The following CYP7B1 variants were observed in gnomAD, a reference collection of about 807,000 sequenced individuals.
The protein encoded by CYP7B1 is cytochrome P450 7B1.
In CYP7B1, 29 loss-of-function variants were observed where a neutral mutation model predicts 42.7. That is an observed-to-expected ratio of 0.68 (90% CI 0.51 to 0.93). CYP7B1 has a LOEUF of 0.93. Among genes scored for constraint, CYP7B1 ranks in the 40% least tolerant of loss-of-function variants. The pLI, the probability that CYP7B1 is intolerant of heterozygous loss-of-function variation, is 0.00. For synonymous variants in CYP7B1, 235 were observed against 218.2 expected, an observed-to-expected ratio of 1.08 and a Z score of -0.68; for missense variants, 655 against 600.5, an observed-to-expected ratio of 1.09 and a Z score of -0.95.
chr8:64,670,926 T>C (rs1270266472), intron 1 of CYP7B1, among the ~76,000 whole-genome samples: 2 of 152,138 alleles, frequency 1.3e-5, no homozygotes, highest in Non-Finnish European at 2.9e-5. Flanking sequence ...GAATGATACA[T>C]TGGTCAGTGC....
intron 1 of CYP7B1, among the ~76,000 whole-genome samples, chr8:64,788,752 T>G (rs1585915720): frequency 6.6e-6 from 1 of 152,216 alleles, no homozygotes; most frequent in African/African-American, 2.4e-5. Context: ...ATTTAGAAAT[T>G]TTGTGAGGTT....
chr8:64,712,933 C>T (rs1807103199), intron 1 of CYP7B1, among the ~76,000 whole-genome samples: 1 of 152,118 alleles, frequency 6.6e-6, no homozygotes, highest in Non-Finnish European at 1.5e-5. Context: ...ACAGATGCTA[C>T]AGCACTTTGC....
chr8:64,673,700 TGA>T (rs1251099520), intron 1 of CYP7B1, among the ~76,000 whole-genome samples: 1 of 152,104 alleles, frequency 6.6e-6, no homozygotes, highest in Non-Finnish European at 1.5e-5. Flanking sequence ...TAGCCACCAT[TGA>T]GTTCTTAACC....
chr8:64,783,039 G>A (rs547159253), intron 1 of CYP7B1, among the ~76,000 whole-genome samples: 1 of 152,256 alleles, frequency 6.6e-6, no homozygotes, highest in South Asian at 2.1e-4. Context: ...AGCCACAGAG[G>A]TGCCTGCAGA....
chr8:64,684,546 T>C (rs1196616562), intron 1 of CYP7B1, among the ~76,000 whole-genome samples: 4 of 152,252 alleles, frequency 2.6e-5, no homozygotes, highest in Non-Finnish European at 5.9e-5. Context: ...AATTTATTTA[T>C]ATAAGTCTAT....
intron 1 of CYP7B1, among the ~76,000 whole-genome samples, chr8:64,695,603 C>CTTTT (rs35575527): frequency 1.0e-5 from 1 of 100,176 alleles, no homozygotes; most frequent in Non-Finnish European, 1.9e-5. Flanking sequence ...TATCAAATTC[C>CTTTT]TTTTTTTTTT....
At chr8:64,668,153 C>T (rs935657693) in intron 1 of CYP7B1, among the ~76,000 whole-genome samples, 34 of 152,236 alleles carry the variant, frequency 2.2e-4, no homozygotes, top group African/African-American at 6.5e-4. Flanking sequence ...TGACATGCCA[C>T]GTTCTATGGG....
At chr8:64,652,778 A>AT (rs1806059863) in intron 1 of CYP7B1, among the ~76,000 whole-genome samples, 3 of 152,208 alleles carry the variant, frequency 2.0e-5, no homozygotes, top group Non-Finnish European at 4.4e-5. Flanking sequence ...CGGGAGGCAG[A>AT]GCTTGCAGTG....
At chr8:64,749,665 T>A (rs1342993952) in intron 1 of CYP7B1, among the ~76,000 whole-genome samples, 1 of 152,182 alleles carries the variant, frequency 6.6e-6, no homozygotes. Context: ...CCAAAGAATA[T>A]CACCTTGTTA....
In CYP7B1 at chr8:64,596,855, C is replaced by T; in HGVS notation, c.1308G>A (p.Lys436=). ...TTFFKRGKKL[K]CYLMPFGTGT... Reference sequence around the variant, plus strand: ...CAGTTCCAAACGGCATTAGGTAACACTTCAGCTTTTTCCCTCTTTTGAAAA... The same window carrying T: ...CAGTTCCAAACGGCATTAGGTAACATTTCAGCTTTTTCCCTCTTTTGAAAA... Residue 436 remains lysine, a synonymous_variant, in exon 6 of 6, where the codon AAG becomes AAA. Coordinates refer to ENST00000310193, the MANE Select transcript of CYP7B1 (RefSeq NM_004820.5). 1 of 1,614,042 alleles carries T rather than the reference C, an allele frequency of 6.2e-7. No individual in the cohort carries two copies. Among genetic ancestry groups the T allele is most frequent in the Non-Finnish European group, 8.5e-7 (1 of 1,179,962 alleles).
intron 1 of CYP7B1, among the ~76,000 whole-genome samples, chr8:64,787,258 C>T (rs1053671744): frequency 2.6e-5 from 4 of 152,204 alleles, no homozygotes; most frequent in Non-Finnish European, 1.5e-5. Flanking sequence ...TTTTCTATCA[C>T]ATTGTCAGGC....
At chr8:64,774,248 T>C (rs1804284440) in intron 1 of CYP7B1, among the ~76,000 whole-genome samples, 1 of 152,232 alleles carries the variant, frequency 6.6e-6, no homozygotes, top group African/African-American at 2.4e-5. Context: ...CGTACCTCTA[T>C]AGATTTAGGG....
chr8:64,676,572 C>T (rs1235910325), intron 1 of CYP7B1, among the ~76,000 whole-genome samples: 4 of 152,022 alleles, frequency 2.6e-5, no homozygotes, highest in African/African-American at 9.7e-5. Context: ...CACTTGTATA[C>T]TCTAATTAAA....
chr8:64,736,378 G>T (rs1341792063), intron 1 of CYP7B1, among the ~76,000 whole-genome samples: 2 of 152,140 alleles, frequency 1.3e-5, no homozygotes, highest in Admixed American at 6.5e-5. Context: ...GGCTGGGCAA[G>T]AGAAACAAAA....
chr8:64,658,400 T>G (rs1806152912), intron 1 of CYP7B1, among the ~76,000 whole-genome samples: 1 of 152,190 alleles, frequency 6.6e-6, no homozygotes, highest in African/African-American at 2.4e-5. Flanking sequence ...GTAAAGTTTT[T>G]TTAAATAAAA....
chr8:64,750,581 G>T (rs982791682), intron 1 of CYP7B1, among the ~76,000 whole-genome samples: 1 of 152,158 alleles, frequency 6.6e-6, no homozygotes, highest in Non-Finnish European at 1.5e-5. Context: ...AAGTACAGTA[G>T]ATATTGTGCT....
chr8:64,710,839 T>G (rs1223296242), intron 1 of CYP7B1, among the ~76,000 whole-genome samples: 2 of 150,834 alleles, frequency 1.3e-5, no homozygotes, highest in Non-Finnish European at 3.0e-5. Context: ...CTTATAAAAA[T>G]AAATACCTTT....
intron 1 of CYP7B1, among the ~76,000 whole-genome samples, chr8:64,639,262 G>A (rs761019160): frequency 3.9e-5 from 6 of 151,904 alleles, no homozygotes; most frequent in African/African-American, 4.8e-5. Flanking sequence ...CTTGTCCAAC[G>A]TTAAAAATTC....
chr8:64,743,495 A>C (rs989316969), intron 1 of CYP7B1, among the ~76,000 whole-genome samples: 3 of 152,198 alleles, frequency 2.0e-5, no homozygotes, highest in African/African-American at 7.2e-5. Context: ...TAAAAGTCCA[A>C]GATCAAGGTG....
Sources: allele counts gnomAD v4.1 joint callset (sites outside exome capture counted in the v4.1 genomes callset), GRCh38; gene constraint gnomAD v4.1.1; transcripts MANE v1.5; gene names NCBI Gene and HGNC (gene_info 2026-07-23, HGNC 2026-07-21).